The following CLVS1 variants were observed in gnomAD, a reference collection of about 807,000 sequenced individuals.
CLVS1 encodes the protein clavesin-1.
In CLVS1, 10 loss-of-function variants were observed where a neutral mutation model predicts 33.1. The ratio of observed to expected loss-of-function variants is 0.30; its 90% confidence interval spans 0.19 to 0.51. The LOEUF (loss-of-function observed/expected upper bound fraction) is 0.51, where lower values mean the gene tolerates loss of function less well. Among genes scored for constraint, CLVS1 ranks in the 20% least tolerant of loss-of-function variants. The probability of loss-of-function intolerance (pLI) is 0.97; values close to 1 mark genes in which losing one functional copy is unlikely to be tolerated. For synonymous variants in CLVS1, 163 were observed against 166.1 expected (o/e 0.98, Z 0.14); for missense variants, 343 against 433.4 (o/e 0.79, Z 1.85).
At chr8:61,298,376 A>AT (rs1268692849) in intron 1 of CLVS1, among the ~76,000 whole-genome samples, 1 of 152,160 alleles carries the variant, frequency 6.6e-6, no homozygotes, top group African/African-American at 2.4e-5. Context: ...TTATTTTGCA[A>AT]AGCCGATATT....
At chr8:61,348,993 A>G (rs111832201) in intron 2 of CLVS1, among the ~76,000 whole-genome samples, 28 of 152,228 alleles carry the variant, frequency 1.8e-4, no homozygotes, top group African/African-American at 6.0e-4. Context: ...GCACCTTTTC[A>G]TGTATCTGTC....
chr8:61,285,838 A>T (rs1809765734), upstream of CLVS1, among the ~76,000 whole-genome samples: 1 of 152,210 alleles, frequency 6.6e-6, no homozygotes, highest in South Asian at 2.1e-4. Flanking sequence ...GTGAAACAGC[A>T]CATTGTTGAA....
At chr8:61,011,473 G>C in the CLVS1 span, among the ~76,000 whole-genome samples, 1 of 151,990 alleles carries the variant, frequency 6.6e-6, no homozygotes, top group East Asian at 1.9e-4. Flanking sequence ...TTTTGAGGTG[G>C]AGTCTCACTC....
At chr8:61,269,850 T>G (rs1171182620) in intron 2 of CLVS1, among the ~76,000 whole-genome samples, 1 of 150,878 alleles carries the variant, frequency 6.6e-6, no homozygotes, top group Non-Finnish European at 1.5e-5. Flanking sequence ...TTGTGATTTT[T>G]GTACATTGAT....
chr8:60,999,052 T>A, the CLVS1 span, among the ~76,000 whole-genome samples: 468 of 152,128 alleles, frequency 3.1e-3, 4 homozygotes, highest in African/African-American at 0.011. Context: ...GTGATGGGCA[T>A]GTGTGGGATC....
intron 3 of CLVS1, chr8:61,377,766 T>C (rs1813704698): frequency 6.6e-6 from 1 of 152,308 alleles, no homozygotes; most frequent in South Asian, 2.1e-4. Context: ...CTGATAAGCA[T>C]GTATTTATTG....
chr8:61,218,636 T>TAAA (rs113600902), intron 2 of CLVS1, among the ~76,000 whole-genome samples: 1,603 of 145,282 alleles, frequency 0.011, 33 homozygotes, highest in African/African-American at 0.035. Flanking sequence ...TATATGTCAA[T>TAAA]AAAAAAAAAA....
chr8:60,981,583 T>C, the CLVS1 span, among the ~76,000 whole-genome samples: 251 of 152,258 alleles, frequency 1.6e-3, no homozygotes, highest in African/African-American at 5.8e-3. Context: ...AGGATAGTTA[T>C]AGTAACTGCA....
chr8:61,437,258 G>T (rs1238656190), intron 3 of CLVS1, among the ~76,000 whole-genome samples: 3 of 152,194 alleles, frequency 2.0e-5, no homozygotes, highest in Admixed American at 2.0e-4. Context: ...AATTGAATGG[G>T]ATGAAAAAGT....
chr8:60,976,309 T>C, the CLVS1 span, among the ~76,000 whole-genome samples: 2 of 152,186 alleles, frequency 1.3e-5, no homozygotes, highest in African/African-American at 4.8e-5. Context: ...AAACATGTAC[T>C]TTGAACTTGG....
intron 2 of CLVS1, among the ~76,000 whole-genome samples, chr8:61,144,515 A>G (rs900811967): frequency 2.6e-5 from 4 of 152,128 alleles, no homozygotes; most frequent in African/African-American, 9.7e-5. Flanking sequence ...CTGCAATAAC[A>G]TATGTGTGCA....
chr8:61,418,241 C>T (rs1815519742), intron 3 of CLVS1, among the ~76,000 whole-genome samples: 1 of 152,058 alleles, frequency 6.6e-6, no homozygotes, highest in Non-Finnish European at 1.5e-5. Context: ...TGTTGGTGTG[C>T]AACTGTAATC....
intron 2 of CLVS1, among the ~76,000 whole-genome samples, chr8:61,365,448 A>G (rs545219408): frequency 2.5e-4 from 38 of 151,400 alleles, no homozygotes; most frequent in Non-Finnish European, 4.1e-4. Context: ...AATAGCTTGA[A>G]CCCTGGGGGC....
the CLVS1 span, among the ~76,000 whole-genome samples, chr8:60,979,644 C>T: frequency 2.0e-5 from 3 of 152,128 alleles, no homozygotes; most frequent in African/African-American, 7.2e-5. Context: ...AAAATAAGAG[C>T]GAGTCCTGCA....
chr8:61,414,704 A>C (rs891913507), intron 3 of CLVS1, among the ~76,000 whole-genome samples: 1 of 152,192 alleles, frequency 6.6e-6, no homozygotes, highest in African/African-American at 2.4e-5. Flanking sequence ...ATGAAGAGAA[A>C]GAGAAACACC....
intron 2 of CLVS1, among the ~76,000 whole-genome samples, chr8:61,159,998 A>G (rs566165231): frequency 8.5e-5 from 13 of 152,340 alleles, no homozygotes; most frequent in African/African-American, 3.1e-4. Context: ...ACTTTTGCAG[A>G]TAGAAGTGGC....
At chr8:61,129,115 G>A (rs1446494252) in intron 1 of CLVS1, among the ~76,000 whole-genome samples, 2 of 152,222 alleles carry the variant, frequency 1.3e-5, no homozygotes, top group African/African-American at 4.8e-5. Context: ...CTGATTCACT[G>A]TTGCAAGGTA....
chr8:61,432,722 T>G (rs755341154), intron 3 of CLVS1, among the ~76,000 whole-genome samples: 1 of 152,178 alleles, frequency 6.6e-6, no homozygotes, highest in Non-Finnish European at 1.5e-5. Flanking sequence ...AACAAAAATC[T>G]TATACTTGAC....
chr8:61,357,806 C>T (rs1451000958), intron 2 of CLVS1, among the ~76,000 whole-genome samples: 1 of 152,056 alleles, frequency 6.6e-6, no homozygotes, highest in Admixed American at 6.6e-5. Flanking sequence ...ATCCACCATC[C>T]CTGGCTTCCC....
Sources: allele counts gnomAD v4.1 joint callset (sites outside exome capture counted in the v4.1 genomes callset), GRCh38; gene constraint gnomAD v4.1.1; transcripts MANE v1.5; gene names NCBI Gene and HGNC (gene_info 2026-07-23, HGNC 2026-07-21).